EFHC2: variants seen among roughly 807,000 people sequenced by gnomAD.
EFHC2 encodes EF-hand domain-containing family member C2.
EFHC2 carries 18 observed loss-of-function variants against 52.7 expected under a neutral mutation model. That is an observed-to-expected ratio of 0.34 (90% CI 0.24 to 0.51). The LOEUF (loss-of-function observed/expected upper bound fraction) is 0.51, where lower values mean the gene tolerates loss of function less well. Ranked by LOEUF, EFHC2 falls within the 20% of genes least tolerant of loss-of-function variation. The probability of loss-of-function intolerance (pLI) is 0.97; values close to 1 mark genes in which losing one functional copy is unlikely to be tolerated. For synonymous variants in EFHC2, 203 were observed against 204.1 expected (o/e 0.99, Z 0.04); for missense variants, 513 against 562.5 (o/e 0.91, Z 0.89).
intron 7 of EFHC2, among the ~76,000 whole-genome samples, chrX:44,246,356 T>C (rs1171353259): frequency 8.9e-6 from 1 of 112,368 alleles, no homozygotes; most frequent in South Asian, 3.6e-4. Context: ...AGAAATGTTG[T>C]GTAATAATAG....
intron 1 of EFHC2, among the ~76,000 whole-genome samples, chrX:44,335,833 G>A (rs1228694142): frequency 9.0e-6 from 1 of 111,667 alleles, no homozygotes; most frequent in African/African-American, 3.3e-5. Flanking sequence ...TCAAGCCATA[G>A]ACTGGAACAA....
intron 11 of EFHC2, among the ~76,000 whole-genome samples, chrX:44,182,320 T>C (rs953588755): frequency 8.9e-6 from 1 of 112,711 alleles, no homozygotes; most frequent in African/African-American, 3.2e-5. Flanking sequence ...GAATGTGCCA[T>C]ACTTTGTTTA....
At chrX:44,275,007 T>G (rs937149579) in intron 2 of EFHC2, among the ~76,000 whole-genome samples, 1 of 111,357 alleles carries the variant, frequency 9.0e-6, no homozygotes, top group Non-Finnish European at 1.9e-5. Context: ...AATCTGAGAT[T>G]TTTTTTTCTT....
chrX:44,275,723 G>C (rs1423545574), intron 2 of EFHC2, among the ~76,000 whole-genome samples: 2 of 107,812 alleles, frequency 1.9e-5, no homozygotes, highest in Non-Finnish European at 3.8e-5. Flanking sequence ...AGACCAGCCT[G>C]ACCAATATGG....
intron 14 of EFHC2, among the ~76,000 whole-genome samples, chrX:44,153,649 A>G (rs1049006520): frequency 2.7e-5 from 3 of 111,577 alleles, no homozygotes; most frequent in African/African-American, 9.8e-5. Context: ...AGGGGCATCA[A>G]TTAAGTAGAG....
At chrX:44,273,192 T>A (rs1467285959) in intron 2 of EFHC2, among the ~76,000 whole-genome samples, 1 of 112,723 alleles carries the variant, frequency 8.9e-6, no homozygotes, top group Non-Finnish European at 1.9e-5. Context: ...ACAAGATGAA[T>A]AAGTTTTGTC....
intron 11 of EFHC2, 99 bp from the exon 12 acceptor site, chrX:44,178,663 CT>C: frequency 1.4e-6 from 1 of 704,871 alleles, no homozygotes; most frequent in Non-Finnish European, 2.0e-6. Context: ...TTTTACAAAA[CT>C]TTTACCAACT....
chrX:44,290,798 C>T (rs1015247606), intron 2 of EFHC2, among the ~76,000 whole-genome samples: 1 of 111,846 alleles, frequency 8.9e-6, no homozygotes, highest in East Asian at 2.8e-4. Flanking sequence ...CTTTGTATGC[C>T]GTTGCCTGTT....
intron 13 of EFHC2, among the ~76,000 whole-genome samples, chrX:44,174,827 C>T (rs773527558): frequency 2.7e-5 from 3 of 110,983 alleles, no homozygotes; most frequent in East Asian, 2.8e-4. Flanking sequence ...ATCCCTCACA[C>T]GGCTGCTAGC....
intron 1 of EFHC2, among the ~76,000 whole-genome samples, chrX:44,335,354 C>A (rs2038110719): frequency 9.0e-6 from 1 of 110,698 alleles, no homozygotes; most frequent in South Asian, 3.8e-4. Flanking sequence ...ACTTACTTTG[C>A]AAATTTGACT....
At chrX:44,244,573 T>G (rs2037384853) in intron 7 of EFHC2, among the ~76,000 whole-genome samples, 1 of 112,276 alleles carries the variant, frequency 8.9e-6, no homozygotes, top group South Asian at 3.7e-4. Context: ...TGTCAAAACA[T>G]ATATATATTG....
At position 44,312,764 on chromosome X, in the gene EFHC2, C is replaced by T; in HGVS notation, c.43-8G>A. On this transcript the variant is annotated splice_polypyrimidine_tract_variant and splice_region_variant and intron_variant, in intron 1 of 14. Transcript: ENST00000420999. ...AAACTTCTCCTTTCCCACCTGTGAA[C>T]ATAAGAGACAACATAAAATAGCCAA... 1 of 1,177,372 alleles carries T rather than the reference C, an allele frequency of 8.5e-7. No individual in the cohort carries two copies. The highest frequency in any genetic ancestry group is 1.1e-6 in the Non-Finnish European group (1 of 880,996).
chrX:44,278,967 A>T (rs762450155), intron 2 of EFHC2, among the ~76,000 whole-genome samples: 1 of 112,093 alleles, frequency 8.9e-6, no homozygotes, highest in African/African-American at 3.2e-5. Context: ...CAAGTACAAG[A>T]TCCTTCTTTT....
At chrX:44,243,789 T>C (rs901712255) in intron 7 of EFHC2, among the ~76,000 whole-genome samples, 2 of 107,184 alleles carry the variant, frequency 1.9e-5, no homozygotes, top group African/African-American at 7.6e-5. Context: ...ATTTTTATGG[T>C]GATTTTAAAG....
chrX:44,158,336 C>T (rs1020930225), intron 14 of EFHC2, among the ~76,000 whole-genome samples: 2 of 111,358 alleles, frequency 1.8e-5, no homozygotes, highest in Non-Finnish European at 3.8e-5. Context: ...AAAATATCCA[C>T]GTTCCAGGTG....
rs188188487 is a variant in EFHC2 at position 44,280,440 on chromosome X, A to G, written c.232-7604T>C. On this transcript the variant is annotated intron_variant, in intron 2 of 14. Transcript: ENST00000420999. ...CAACAGCCTAAATATCTAACATAAT[A>G]CTTAATTAAACTATGTGCCTACCAA... Among the ~76,000 whole-genome samples, 145 of 112,214 alleles carry G rather than the reference A, an allele frequency of 1.3e-3. 5 individuals carry two copies. The highest frequency in any genetic ancestry group is 0.012 in the Admixed American group (129 of 10,546).
At chrX:44,218,742 G>A (rs1469977635) in intron 11 of EFHC2, among the ~76,000 whole-genome samples, 1 of 112,312 alleles carries the variant, frequency 8.9e-6, no homozygotes, top group Admixed American at 9.5e-5. Flanking sequence ...ACTTGGAAAT[G>A]TAAACTGATA....
intron 2 of EFHC2, among the ~76,000 whole-genome samples, chrX:44,287,172 T>C (rs1450528122): frequency 9.2e-6 from 1 of 108,323 alleles, no homozygotes; most frequent in Non-Finnish European, 1.9e-5. Context: ...CTAGGCAACA[T>C]AGTGAAACCT....
chrX:44,250,965 G>A (rs888190067), intron 4 of EFHC2, among the ~76,000 whole-genome samples: 4 of 109,953 alleles, frequency 3.6e-5, no homozygotes, highest in African/African-American at 9.9e-5. Flanking sequence ...CTGGCCGGGC[G>A]CGGTGGCTCA....
Sources: gnomAD v4.1 joint callset for allele counts (sites outside exome capture counted in the v4.1 genomes callset) on GRCh38, gnomAD v4.1.1 for gene constraint, MANE v1.5 for transcripts, NCBI Gene and HGNC (gene_info 2026-07-23, HGNC 2026-07-21) for gene names.